Variants in PTPRK observed in about 807,000 individuals in gnomAD.
PTPRK encodes protein tyrosine phosphatase receptor type K.
A neutral mutation model predicts 178.0 loss-of-function variants in PTPRK; 75 were observed. The ratio of observed to expected loss-of-function variants is 0.42; its 90% CI spans 0.35 to 0.51. PTPRK has a LOEUF of 0.51. PTPRK is among the 20% of genes least tolerant of loss of function. The probability of loss-of-function intolerance (pLI) is 0.02; values close to 1 mark genes in which losing one functional copy is unlikely to be tolerated. For synonymous variants in PTPRK, 637 were observed against 620.6 expected, an observed-to-expected ratio of 1.03 and a Z score of -0.39; for missense variants, 1,441 against 1,797.8, an observed-to-expected ratio of 0.80 and a Z score of 3.59.
At chr6:128,301,373 T>TA (rs941839919) in intron 3 of PTPRK, among the ~76,000 whole-genome samples, 7 of 151,322 alleles carry the variant, frequency 4.6e-5, no homozygotes, top group African/African-American at 1.5e-4. Flanking sequence ...TACTCTCTTT[T>TA]AAAAAAAAAT....
At chr6:128,406,855 T>C (rs1360763121) in intron 1 of PTPRK, among the ~76,000 whole-genome samples, 1 of 152,192 alleles carries the variant, frequency 6.6e-6, no homozygotes, top group Admixed American at 6.5e-5. Flanking sequence ...ACATAAAGAT[T>C]TCCCAAGCAG....
chr6:128,053,037 C>T lies in PTPRK; in HGVS notation c.2194+11721G>A, dbSNP rs1174311521. 2.0e-5 allele frequency among the ~76,000 whole-genome samples: 3 copies of T among 151,934 alleles called. No individual in the cohort carries two copies. In the East Asian group the frequency reaches 5.8e-4, roughly 29 times the overall value. ...GGAATGAGCCATTTATCCAAAGAGC[C>T]CCAGGTACTTTTATTGGATAATGGT... On this transcript the variant is annotated intron_variant, in intron 13 of 29. Transcript: ENST00000368226.
At chr6:128,470,428 T>C (rs891052482) in intron 1 of PTPRK, among the ~76,000 whole-genome samples, 1 of 152,084 alleles carries the variant, frequency 6.6e-6, no homozygotes, top group African/African-American at 2.4e-5. Flanking sequence ...AAAGTAGTCA[T>C]GTTAAAATCA....
intron 1 of PTPRK, among the ~76,000 whole-genome samples, chr6:128,427,917 C>T (rs1402347627): frequency 6.6e-6 from 1 of 152,092 alleles, no homozygotes; most frequent in East Asian, 1.9e-4. Flanking sequence ...AGGGTAAAAC[C>T]TCGTCTCTAC....
chr6:128,491,687 A>G (rs1441517647), intron 1 of PTPRK: 1 of 463,778 alleles, frequency 2.2e-6, no homozygotes, highest in South Asian at 1.5e-5. Context: ...CCACTAAAAC[A>G]AACATCAGGC....
At chr6:128,058,467 T>C (rs187548551) in intron 13 of PTPRK, among the ~76,000 whole-genome samples, 1 of 152,320 alleles carries the variant, frequency 6.6e-6, no homozygotes, top group Admixed American at 6.5e-5. Flanking sequence ...AGTGCTCAAG[T>C]GTTTTCTCCA....
At chr6:128,356,734 C>A (rs1834015224) in intron 2 of PTPRK, among the ~76,000 whole-genome samples, 1 of 152,154 alleles carries the variant, frequency 6.6e-6, no homozygotes, top group Admixed American at 6.5e-5. Flanking sequence ...TCAATTCATT[C>A]TGATGATGCA....
At chr6:128,425,989 A>G (rs182549948) in intron 1 of PTPRK, among the ~76,000 whole-genome samples, 4 of 152,226 alleles carry the variant, frequency 2.6e-5, no homozygotes, top group African/African-American at 9.6e-5. Flanking sequence ...AGAATCTTTA[A>G]TATGTAATGT....
chr6:128,282,681 A>C (rs1220153433), intron 3 of PTPRK, among the ~76,000 whole-genome samples: 1 of 152,222 alleles, frequency 6.6e-6, no homozygotes, highest in Admixed American at 6.5e-5. Flanking sequence ...ATAATCCTTT[A>C]TCATAATAGA....
intron 3 of PTPRK, among the ~76,000 whole-genome samples, chr6:128,299,998 T>G (rs944386626): frequency 6.6e-6 from 1 of 151,934 alleles, no homozygotes; most frequent in Non-Finnish European, 1.5e-5. Flanking sequence ...ATATCCAGAA[T>G]CTACAATGAA....
At position 128,053,993 on chromosome 6, in the gene PTPRK, AT is replaced by A. The variant is rs530257796; in HGVS notation, c.2194+10764del. On this transcript the variant is annotated intron_variant, in intron 13 of 29. Coordinates refer to ENST00000368226, the MANE Select transcript of PTPRK (RefSeq NM_002844.4). ...TCAATCTAACATATATGCTATTGAG[AT>A]TTTTTTTAACCCAAAATGTTACATA... 2.5e-4 allele frequency among the ~76,000 whole-genome samples: 38 copies of A among 152,242 alleles called. 1 individual carries two copies. The East Asian group carries it at 5.4e-3, about 22-fold the overall frequency.
chr6:128,512,371 C>T (rs1052208961), intron 1 of PTPRK, among the ~76,000 whole-genome samples: 1 of 152,302 alleles, frequency 6.6e-6, no homozygotes, highest in African/African-American at 2.4e-5. Flanking sequence ...TCTCATGATA[C>T]AGCCAACTGT....
intron 3 of PTPRK, among the ~76,000 whole-genome samples, chr6:128,296,791 C>T (rs1457627544): frequency 1.1e-4 from 16 of 152,104 alleles, no homozygotes; most frequent in African/African-American, 3.4e-4. Context: ...TAAAGACCAT[C>T]GAGGCTAGGA....
chr6:128,268,144 T>G (rs2128296200), intron 3 of PTPRK, among the ~76,000 whole-genome samples: 1 of 152,138 alleles, frequency 6.6e-6, no homozygotes, highest in Admixed American at 6.6e-5. Context: ...TATGAAATAA[T>G]CATTATGTCA....
At chr6:128,365,947 T>C (rs565411866) in intron 2 of PTPRK, among the ~76,000 whole-genome samples, 81 of 152,238 alleles carry the variant, frequency 5.3e-4, no homozygotes, top group African/African-American at 1.9e-3. Context: ...TCATGTTTTA[T>C]TAATCTCTGA....
chr6:128,135,876 T>C (rs1026528845), intron 7 of PTPRK, among the ~76,000 whole-genome samples: 9 of 151,850 alleles, frequency 5.9e-5, no homozygotes, highest in African/African-American at 2.2e-4. Flanking sequence ...AAGAAAAGAA[T>C]AGCATCTGGT....
intron 13 of PTPRK, among the ~76,000 whole-genome samples, chr6:128,050,269 C>T (rs1778784156): frequency 6.6e-6 from 1 of 152,196 alleles, no homozygotes; most frequent in Non-Finnish European, 1.5e-5. Flanking sequence ...GTACAAGTGA[C>T]TCTCTAGTGT....
In PTPRK at chr6:128,028,266, T is replaced by TA. The variant is rs748225502; in HGVS notation, c.2195-18999dup. 1.4e-4 allele frequency among the ~76,000 whole-genome samples: 22 copies of TA among 152,012 alleles called. No individual in the cohort carries two copies. The South Asian group carries it at 2.1e-3, about 14-fold the overall frequency. ...GAGAAATGTTTAAGTAAGCACCTGA[T>TA]AAAAAAAAGGAAAAAGCAAAAGTGA... On this transcript the variant is annotated intron_variant, in intron 13 of 29. Coordinates refer to ENST00000368226, the MANE Select transcript of PTPRK (RefSeq NM_002844.4).
intron 2 of PTPRK, among the ~76,000 whole-genome samples, chr6:128,355,584 CGAA>C (rs1341259007): frequency 2.0e-5 from 3 of 151,798 alleles, no homozygotes; most frequent in East Asian, 1.9e-4. Context: ...AACTGGGGAA[CGAA>C]GAAGAAGATT....
Sources: allele counts gnomAD v4.1 joint callset (sites outside exome capture counted in the v4.1 genomes callset), GRCh38; gene constraint gnomAD v4.1.1; transcripts MANE v1.5; gene names NCBI Gene and HGNC (gene_info 2026-07-23, HGNC 2026-07-21).